Variants in PELP1 observed in about 807,000 individuals in gnomAD.
PELP1 encodes the protein proline-, glutamic acid- and leucine-rich protein 1.
A neutral mutation model predicts 95.5 loss-of-function variants in PELP1; 32 were observed. The ratio of observed to expected loss-of-function variants is 0.34; its 90% CI spans 0.25 to 0.45. The LOEUF is 0.45. PELP1 is among the 20% of genes least tolerant of loss of function. PELP1 has a pLI of 1.00. For missense variants in PELP1, 1,358 were observed against 1,444.8 expected (o/e 0.94, Z 0.97); for synonymous variants, 668 against 600.1 (o/e 1.11, Z -1.65).
In PELP1 at chr17:4,673,955, T is replaced by C. The variant is rs1912346112; in HGVS notation, c.1583-281A>G. 4.6e-6 allele frequency: 2 copies of C among 430,220 alleles called. No homozygotes were observed. The highest frequency in any genetic ancestry group is 4.0e-5 in the African/African-American group (2 of 50,206). 26.7% of individuals were successfully genotyped at this position (430,220 alleles called of 1,614,324 possible). On this transcript the variant is annotated intron_variant, in intron 13 of 16. Transcript: ENST00000572293. The surrounding 1 kb of genome is among the most constrained non-coding windows in gnomAD (Gnocchi z 5.7). ...GTTCTCCCCTTCCCATGGGATGGGG[T>C]GGCAGGCAGTGAAATATATGGGACC...
rs2150553121 is a variant in PELP1 at position 4,673,469 on chromosome 17, G to C, written c.1639-13C>G. On this transcript the variant is annotated splice_polypyrimidine_tract_variant and intron_variant, in intron 14 of 16. Transcript: ENST00000572293. This position sits in a 1 kb window ranked among gnomAD's most constrained non-coding sequence, Gnocchi z 5.7. ...GGTCATGCAGTCTCTGAAAAGGACA[G>C]AGCACACCTGGAAACATCCCCAAGA... The C allele has an allele frequency of 1.9e-6, 3 of 1,584,924 alleles. No homozygotes were observed. Among genetic ancestry groups the C allele is most frequent in the South Asian group, 1.1e-5 (1 of 87,852 alleles).
intron 5 of PELP1, among the ~76,000 whole-genome samples, chr17:4,680,268 C>A (rs1043836951): frequency 6.6e-6 from 1 of 152,122 alleles, no homozygotes; most frequent in African/African-American, 2.4e-5. Context: ...CACAGAACCA[C>A]ATTAATCTCA....
chr17:4,685,961 G>A (rs890207509), intron 3 of PELP1, among the ~76,000 whole-genome samples: 10 of 152,068 alleles, frequency 6.6e-5, no homozygotes, highest in African/African-American at 2.2e-4. Context: ...GCCGGGTGTG[G>A]TGATAGGCGC....
At position 4,697,622 on chromosome 17, in the gene PELP1, G is replaced by A. The variant is rs148702871; in HGVS notation, c.250-6180C>T. On this transcript the variant is annotated intron_variant, in intron 1 of 16. Coordinates refer to ENST00000572293, the MANE Select transcript of PELP1 (RefSeq NM_014389.3). Reference sequence around the variant, plus strand: ...ATAATTAACTGTATCAAATGGTAGCGATAAGTCAAATATGATGACCCAAAT... The same window carrying A: ...ATAATTAACTGTATCAAATGGTAGCAATAAGTCAAATATGATGACCCAAAT... 2.8e-3 allele frequency among the ~76,000 whole-genome samples: 426 copies of A among 152,264 alleles called. 4 individuals carry two copies. Among genetic ancestry groups the A allele is most frequent in the African/African-American group, 9.7e-3 (404 of 41,544 alleles).
intron 1 of PELP1, among the ~76,000 whole-genome samples, chr17:4,692,903 G>A (rs1297256845): frequency 3.9e-5 from 6 of 152,016 alleles, no homozygotes; most frequent in Admixed American, 1.3e-4. Flanking sequence ...CCAGCTACTC[G>A]GGAGGCTGAG....
intron 3 of PELP1, among the ~76,000 whole-genome samples, chr17:4,685,031 C>T (rs1287342832): frequency 6.6e-6 from 1 of 152,074 alleles, no homozygotes. Flanking sequence ...TGCCAAATCC[C>T]AGTAATCACC....
intron 1 of PELP1, among the ~76,000 whole-genome samples, chr17:4,700,911 A>G (rs1428967925): frequency 7.4e-6 from 1 of 134,892 alleles, no homozygotes; most frequent in Non-Finnish European, 1.6e-5. Flanking sequence ...AGCCTGAGTT[A>G]GAGTAAGGCC....
chr17:4,688,025 G>C (rs570032279), intron 3 of PELP1, among the ~76,000 whole-genome samples: 3 of 152,236 alleles, frequency 2.0e-5, no homozygotes, highest in African/African-American at 7.2e-5. Flanking sequence ...AGAGCAATCA[G>C]ACAAGAGAAA....
chr17:4,698,093 C>A (rs1389023307), intron 1 of PELP1, among the ~76,000 whole-genome samples: 1 of 150,386 alleles, frequency 6.6e-6, no homozygotes, highest in East Asian at 2.0e-4. Context: ...GATCCTCCCA[C>A]TTCGGCCTCC....
chr17:4,696,263 TCAAGA>T (rs1913293215), intron 1 of PELP1, among the ~76,000 whole-genome samples: 1 of 151,764 alleles, frequency 6.6e-6, no homozygotes, highest in African/African-American at 2.4e-5. Flanking sequence ...CCCCGGGAGG[TCAAGA>T]CTGCAGTGAG....
In PELP1 at chr17:4,672,222, CTCT is replaced by C; in HGVS notation, c.2766_2768del (p.Glu930del). The C allele has an allele frequency of 3.2e-6, 5 of 1,549,776 alleles. No homozygotes were observed. Among genetic ancestry groups the C allele is most frequent in the South Asian group, 2.4e-5 (2 of 84,040 alleles). ...CAAACTCTTCTTCCTCCTCTTCTTC[CTCT>C]TCAAAATATTCCTCTTCATCCTCTT... On this transcript the variant is annotated inframe_deletion, in exon 16 of 17. Coordinates refer to ENST00000572293, the MANE Select transcript of PELP1 (RefSeq NM_014389.3).
rs1444413625 is a variant in PELP1, at chr17:4,675,038, C to G, written c.1274+41G>C. The G allele has an allele frequency of 6.2e-7, 1 of 1,609,476 alleles. No individual in the cohort carries two copies. The highest frequency in any genetic ancestry group is 1.3e-5 in the African/African-American group (1 of 74,850). Reference sequence around the variant, plus strand: ...CAGCCCACCTGCACCCCCTCACCCCCCTCTCCTCTTTATTCCCTTCCTGCC... The same window carrying G: ...CAGCCCACCTGCACCCCCTCACCCCGCTCTCCTCTTTATTCCCTTCCTGCC... On this transcript the variant is annotated intron_variant, in intron 11 of 16. Coordinates refer to ENST00000572293, the MANE Select transcript of PELP1 (RefSeq NM_014389.3). This position sits in a 1 kb window ranked among gnomAD's most constrained non-coding sequence, Gnocchi z 4.3.
chr17:4,682,486 G>A lies in PELP1; in HGVS notation c.642+16C>T, dbSNP rs1355846992. On this transcript the variant is annotated intron_variant, in intron 5 of 16. Transcript: ENST00000572293. ...AACGCTTACACTGGTGGGGAGAAGA[G>A]TGCATAAATACTTACTTTGAGAGAA... 1 of 1,548,172 alleles carries A rather than the reference G, an allele frequency of 6.5e-7. No homozygotes were observed. Among genetic ancestry groups the A allele is most frequent in the Non-Finnish European group, 8.9e-7 (1 of 1,119,620 alleles).
intron 1 of PELP1, among the ~76,000 whole-genome samples, chr17:4,701,908 A>G (rs958760220): frequency 4.6e-5 from 7 of 152,188 alleles, no homozygotes; most frequent in African/African-American, 1.7e-4. Context: ...CTAAACAAGT[A>G]GCACAGGAAA....
chr17:4,682,471 C>T, intron 5 of PELP1, 31 bp downstream of exon 5: 2 of 1,428,352 alleles, frequency 1.4e-6, no homozygotes, highest in Non-Finnish European at 2.0e-6. Context: ...AACGCTTACA[C>T]TGGTGGGGAG....
rs2150554253 is a variant in PELP1 at position 4,675,424 on chromosome 17, G to GA, written c.1069-63dup. ...AGAAAGTGAGAGCCAGAGAGAGACA[G>GA]AAACAGGGAATGACCATTTACATAT... On this transcript the variant is annotated intron_variant, in intron 9 of 16. Transcript: ENST00000572293. This position sits in a 1 kb window ranked among gnomAD's most constrained non-coding sequence, Gnocchi z 4.3. 9.5e-7 allele frequency: 1 copy of GA among 1,052,884 alleles called. No individual in the cohort carries two copies. Among genetic ancestry groups the GA allele is most frequent in the African/African-American group, 1.6e-5 (1 of 63,762 alleles). The allele number at this position is 1,052,884 out of a possible 1,614,324, so 65.2% of individuals were successfully genotyped here. A position where few individuals can be genotyped will look rare whatever the true frequency, so the allele number is the denominator to read the frequency against.
chr17:4,681,970 C>T (rs995126505), intron 5 of PELP1, among the ~76,000 whole-genome samples: 4 of 151,934 alleles, frequency 2.6e-5, no homozygotes, highest in Admixed American at 6.6e-5. Flanking sequence ...TCAAGACCAG[C>T]CTGGGTAACA....
chr17:4,693,619 C>T (rs9901368), intron 1 of PELP1, among the ~76,000 whole-genome samples: 148,929 of 152,302 alleles, frequency 0.98, 72,895 homozygotes, highest in Middle Eastern at 1. Flanking sequence ...ATCTGATCAC[C>T]GAGATGGTTA....
At position 4,682,530 on chromosome 17, in the gene PELP1, T is replaced by C. The variant is rs1158689540; in HGVS notation, c.614A>G (p.Tyr205Cys). The change falls in exon 5 of 17, where the codon TAT becomes TGT. Residue 205 changes from tyrosine (Y) to cysteine (C), a missense_variant. This residue lies in a region of PELP1 where 538 missense variants were observed against 628.1 expected (regional missense o/e 0.86). Transcript: ENST00000572293. ...GAGAGAACCACAAGCCCGAGGGAAA[T>C]AGGTCATACAAGCCTTCATTCCTTC... ...ALEGMKACMT[Y>C]FPRACGSLKG... is the part of the protein sequence containing the mutation. 5 of 1,612,664 alleles carry C rather than the reference T, an allele frequency of 3.1e-6. No individual in the cohort carries two copies. In the African/African-American group the frequency reaches 4.0e-5, roughly 13 times the overall value.
Sources: gnomAD v4.1 joint callset for allele counts (sites outside exome capture counted in the v4.1 genomes callset) on GRCh38, gnomAD v4.1.1 for gene constraint, gnomAD v4.1.1 regional missense constraint, Gnocchi (gnomAD v3.1) non-coding constraint, MANE v1.5 for transcripts, NCBI Gene and HGNC (gene_info 2026-07-23, HGNC 2026-07-21) for gene names.